Variants in DCDC1 observed in about 807,000 individuals in gnomAD.
DCDC1 encodes doublecortin domain containing 1.
In DCDC1, 200 loss-of-function variants were observed where a neutral mutation model predicts 178.3. The observed-to-expected ratio is 1.12, with a 90% confidence interval of 1.00 to 1.26. DCDC1 has a LOEUF of 1.26. Ranked by LOEUF, DCDC1 falls within the 50% of genes most tolerant of loss-of-function variation. The pLI is 0.00. For missense variants in DCDC1, 1,983 were observed against 1,749.2 expected (o/e 1.13, Z -2.38); for synonymous variants, 690 against 604.8 (o/e 1.14, Z -2.07).
chr11:31,229,582 C>T (rs1206306383), intron 9 of DCDC1, among the ~76,000 whole-genome samples: 1 of 151,940 alleles, frequency 6.6e-6, no homozygotes, highest in Non-Finnish European at 1.5e-5. Context: ...CCTGAATAAT[C>T]AGACATGAGA....
chr11:30,938,506 C>G (rs1386666359), intron 21 of DCDC1, among the ~76,000 whole-genome samples: 1 of 152,178 alleles, frequency 6.6e-6, no homozygotes, highest in Non-Finnish European at 1.5e-5. Flanking sequence ...GTTTCCTCCC[C>G]TTTCTCTTTC....
At chr11:30,944,959 CTTTTTTTTTTTT>C (rs34334567) in intron 21 of DCDC1, among the ~76,000 whole-genome samples, 3 of 65,518 alleles carry the variant, frequency 4.6e-5, no homozygotes, top group Admixed American at 2.2e-4. Flanking sequence ...ACAAAAATGT[CTTTTTTTTTTTT>C]TTTTTTTTTT....
intron 6 of DCDC1, among the ~76,000 whole-genome samples, chr11:31,302,916 T>C (rs1948209313): frequency 6.6e-6 from 1 of 152,200 alleles, no homozygotes. Context: ...ATTGCCAAAA[T>C]ATATACTGGC....
At chr11:31,257,435 G>C (rs1944482638) in intron 8 of DCDC1, among the ~76,000 whole-genome samples, 1 of 152,022 alleles carries the variant, frequency 6.6e-6, no homozygotes, top group African/African-American at 2.4e-5. Flanking sequence ...TTAACAAAAG[G>C]AACACTCTAT....
intron 13 of DCDC1, among the ~76,000 whole-genome samples, chr11:31,106,244 C>T (rs1391248407): frequency 6.6e-6 from 1 of 152,188 alleles, no homozygotes. Context: ...TAGGATAGGG[C>T]TTACAAGCTT....
intron 8 of DCDC1, among the ~76,000 whole-genome samples, chr11:31,256,038 T>C (rs1196969328): frequency 6.6e-6 from 1 of 152,184 alleles, no homozygotes; most frequent in African/African-American, 2.4e-5. Flanking sequence ...GTCTTTTGCA[T>C]GTGGATATCC....
intron 20 of DCDC1, among the ~76,000 whole-genome samples, chr11:30,981,930 G>A (rs573550222): frequency 7.9e-5 from 12 of 152,142 alleles, no homozygotes; most frequent in Admixed American, 2.6e-4. Context: ...TGGATAAGCC[G>A]TAAAAACAAT....
At chr11:30,960,552 T>G (rs1176641927) in intron 20 of DCDC1, among the ~76,000 whole-genome samples, 3 of 152,132 alleles carry the variant, frequency 2.0e-5, no homozygotes, top group African/African-American at 7.2e-5. Flanking sequence ...ATCAGTAAGT[T>G]CTCTGGAATC....
At chr11:31,252,704 A>C (rs866473725) in intron 8 of DCDC1, among the ~76,000 whole-genome samples, 4 of 152,140 alleles carry the variant, frequency 2.6e-5, no homozygotes, top group South Asian at 2.1e-4. Context: ...TTTAACCTCG[A>C]AACACTTAAA....
chr11:31,208,397 T>C (rs1972109481), intron 9 of DCDC1, among the ~76,000 whole-genome samples: 1 of 152,164 alleles, frequency 6.6e-6, no homozygotes, highest in South Asian at 2.1e-4. Flanking sequence ...CCAAAATATA[T>C]CCTGAGTCTT....
Position 31,188,723 on chromosome 11 carries a change from T to C in DCDC1, c.1222-50939A>G, listed in dbSNP as rs1969796857. Among the ~76,000 whole-genome samples the C allele has an allele frequency of 2.6e-5, 4 of 152,214 alleles. No individual in the cohort carries two copies. The South Asian group carries it at 8.3e-4, about 32-fold the overall frequency. On this transcript the variant is annotated intron_variant, in intron 9 of 38. Transcript: ENST00000684477. ...GTGCTTCCCAAAGGCTGGACTACAATGTATTTATAGTTCATGATAAATTTT... is the reference window on the plus strand; with the variant it reads ...GTGCTTCCCAAAGGCTGGACTACAACGTATTTATAGTTCATGATAAATTTT...
At chr11:31,346,347 C>T (rs540488456) in intron 1 of DCDC1, among the ~76,000 whole-genome samples, 50 of 151,658 alleles carry the variant, frequency 3.3e-4, no homozygotes, top group Non-Finnish European at 6.5e-4. Flanking sequence ...GCCTGTAATC[C>T]CAGCTACTCA....
chr11:31,197,919 A>G (rs929541680), intron 9 of DCDC1, among the ~76,000 whole-genome samples: 1 of 152,080 alleles, frequency 6.6e-6, no homozygotes, highest in Non-Finnish European at 1.5e-5. Flanking sequence ...AGCCTATTTC[A>G]TCACCTCTAA....
intron 36 of DCDC1, among the ~76,000 whole-genome samples, chr11:30,885,625 G>A (rs1041719597): frequency 6.6e-6 from 1 of 152,042 alleles, no homozygotes; most frequent in Non-Finnish European, 1.5e-5. Context: ...TGAAATATGG[G>A]TATAACATTT....
At position 30,916,860 on chromosome 11, in the gene DCDC1, A is replaced by C; in HGVS notation, c.3452+10T>G. ...GAAATCTTTAAGAGGAATCCTTTGC[A>C]ACTTTTTACCTGTGTTTCTTCTGTG... On this transcript the variant is annotated intron_variant, in intron 26 of 38. Coordinates refer to ENST00000684477, the MANE Select transcript of DCDC1 (RefSeq NM_001387274.1). 6.3e-7 allele frequency: 1 copy of C among 1,591,446 alleles called. No homozygotes were observed. The highest frequency in any genetic ancestry group is 8.5e-7 in the Non-Finnish European group (1 of 1,170,166).
At chr11:31,121,234 T>G (rs1486913755) in intron 11 of DCDC1, among the ~76,000 whole-genome samples, 1 of 151,882 alleles carries the variant, frequency 6.6e-6, no homozygotes, top group Admixed American at 6.6e-5. Context: ...GTTGTGACTA[T>G]ATAGAATATA....
At chr11:31,294,808 AAG>A (rs758157493) in intron 6 of DCDC1, among the ~76,000 whole-genome samples, 9 of 50,716 alleles carry the variant, frequency 1.8e-4, no homozygotes, top group African/African-American at 3.6e-4. Context: ...AAAAGAAAGA[AAG>A]AAAGAAAGAA....
At chr11:30,880,120 T>A (rs1942515086) in intron 37 of DCDC1, among the ~76,000 whole-genome samples, 1 of 152,154 alleles carries the variant, frequency 6.6e-6, no homozygotes, top group Non-Finnish European at 1.5e-5. Context: ...TATTGACTAA[T>A]ACTTACTGAT....
At chr11:31,146,897 G>C (rs1040196904) in intron 9 of DCDC1, among the ~76,000 whole-genome samples, 1 of 152,090 alleles carries the variant, frequency 6.6e-6, no homozygotes, top group Non-Finnish European at 1.5e-5. Context: ...AAAACCAAGC[G>C]TGGTTCAGAA....
Sources: allele counts gnomAD v4.1 joint callset (sites outside exome capture counted in the v4.1 genomes callset), GRCh38; gene constraint gnomAD v4.1.1; transcripts MANE v1.5; gene names NCBI Gene and HGNC (gene_info 2026-07-23, HGNC 2026-07-21).